Variants in FHIT observed in about 807,000 individuals in gnomAD.
FHIT encodes bis(5'-adenosyl)-triphosphatase.
FHIT carries 19 observed loss-of-function variants against 17.9 expected under a neutral mutation model. The ratio of observed to expected loss-of-function variants is 1.06; its 90% CI spans 0.74 to 1.56. The LOEUF is 1.56. Among genes scored for constraint, FHIT ranks in the 40% most tolerant of loss-of-function variants. The pLI, the probability that FHIT is intolerant of heterozygous loss-of-function variation, is 0.00. For missense variants in FHIT, 248 were observed against 189.2 expected, an observed-to-expected ratio of 1.31 and a Z score of -1.82; for synonymous variants, 81 against 69.7, an observed-to-expected ratio of 1.16 and a Z score of -0.81.
intron 3 of FHIT, among the ~76,000 whole-genome samples, chr3:60,860,296 A>C (rs912759250): frequency 2.0e-5 from 3 of 148,906 alleles, no homozygotes; most frequent in African/African-American, 7.4e-5. Flanking sequence ...TATACATGAG[A>C]TACATCATAT....
chr3:60,419,104 G>A (rs923518249), intron 5 of FHIT, among the ~76,000 whole-genome samples: 8 of 152,112 alleles, frequency 5.3e-5, no homozygotes, highest in African/African-American at 1.4e-4. Flanking sequence ...AACATGTGCC[G>A]TGCAGTCAGG....
At chr3:60,129,620 G>A (rs901159717) in intron 5 of FHIT, among the ~76,000 whole-genome samples, 4 of 152,112 alleles carry the variant, frequency 2.6e-5, no homozygotes, top group Non-Finnish European at 4.4e-5. Flanking sequence ...CCTAGGAGAT[G>A]CCCTAAGTCT....
At chr3:61,182,223 C>T (rs1415167264) in intron 2 of FHIT, among the ~76,000 whole-genome samples, 1 of 152,142 alleles carries the variant, frequency 6.6e-6, no homozygotes. Context: ...ATTAAATTCT[C>T]TTATTAGGAT....
At chr3:60,389,988 A>C (rs1047757606) in intron 5 of FHIT, among the ~76,000 whole-genome samples, 2 of 152,120 alleles carry the variant, frequency 1.3e-5, no homozygotes, top group African/African-American at 4.8e-5. Context: ...GCTCCTCTGA[A>C]AACGCTTTTC....
intron 5 of FHIT, among the ~76,000 whole-genome samples, chr3:60,507,445 C>G: frequency 6.6e-6 from 1 of 152,232 alleles, no homozygotes; most frequent in Admixed American, 6.5e-5. Context: ...ATCCTATGTA[C>G]GAAAGGAAGC....
intron 4 of FHIT, among the ~76,000 whole-genome samples, chr3:60,555,733 C>G (rs1222600727): frequency 6.6e-6 from 1 of 152,092 alleles, no homozygotes; most frequent in Non-Finnish European, 1.5e-5. Flanking sequence ...TTACTGTTAC[C>G]AACAGTAATG....
At chr3:60,533,931 G>A (rs2035881456) in intron 5 of FHIT, among the ~76,000 whole-genome samples, 2 of 152,150 alleles carry the variant, frequency 1.3e-5, no homozygotes, top group South Asian at 2.1e-4. Context: ...GAGGCAGGGA[G>A]ACAGCATAAA....
intron 5 of FHIT, among the ~76,000 whole-genome samples, chr3:60,103,945 C>T (rs1207380856): frequency 6.6e-6 from 1 of 152,230 alleles, no homozygotes; most frequent in Non-Finnish European, 1.5e-5. Context: ...ATCTGCTTTC[C>T]CTCCTTATAG....
At chr3:60,196,011 C>A (rs1702623815) in intron 5 of FHIT, among the ~76,000 whole-genome samples, 1 of 152,016 alleles carries the variant, frequency 6.6e-6, no homozygotes, top group Non-Finnish European at 1.5e-5. Context: ...CCTACTTGTA[C>A]CCCTAAAGCT....
intron 2 of FHIT, among the ~76,000 whole-genome samples, chr3:61,190,942 G>C (rs1389009681): frequency 8.4e-6 from 1 of 119,104 alleles, no homozygotes; most frequent in Non-Finnish European, 1.7e-5. Context: ...GGGGTGGGGG[G>C]AGGGAAGAGG....
chr3:60,357,788 G>T (rs1429557664), intron 5 of FHIT, among the ~76,000 whole-genome samples: 1 of 149,034 alleles, frequency 6.7e-6, no homozygotes, highest in Non-Finnish European at 1.5e-5. Flanking sequence ...TGTTCTACTG[G>T]TAATTTTCAC....
chr3:61,117,667 T>C (rs1041828474), intron 2 of FHIT, among the ~76,000 whole-genome samples: 18 of 152,204 alleles, frequency 1.2e-4, no homozygotes, highest in African/African-American at 4.3e-4. Flanking sequence ...GGTTTTGAGG[T>C]GGCCTCAGTG....
At chr3:59,969,163 G>A (rs960751611) in intron 7 of FHIT, among the ~76,000 whole-genome samples, 1 of 152,112 alleles carries the variant, frequency 6.6e-6, no homozygotes, top group Non-Finnish European at 1.5e-5. Context: ...GAAGTCCTCT[G>A]CATCTAAATC....
At chr3:60,920,602 G>C (rs1553768110) in intron 3 of FHIT, among the ~76,000 whole-genome samples, 3 of 152,058 alleles carry the variant, frequency 2.0e-5, no homozygotes, top group Non-Finnish European at 1.5e-5. Flanking sequence ...GCCCCAAGCA[G>C]AGGAAACCCA....
At chr3:59,860,417 G>A (rs1336093806) in intron 8 of FHIT, among the ~76,000 whole-genome samples, 1 of 152,216 alleles carries the variant, frequency 6.6e-6, no homozygotes, top group African/African-American at 2.4e-5. Flanking sequence ...CAAGCAAACA[G>A]TTGCCATAGG....
intron 5 of FHIT, among the ~76,000 whole-genome samples, chr3:60,274,893 A>G (rs1707047356): frequency 6.6e-6 from 1 of 152,190 alleles, no homozygotes; most frequent in Non-Finnish European, 1.5e-5. Context: ...GAAGTTCTAT[A>G]ACTTTGCTTT....
chr3:59,987,547 A>G (rs1709040184), intron 7 of FHIT, among the ~76,000 whole-genome samples: 1 of 152,102 alleles, frequency 6.6e-6, no homozygotes, highest in Admixed American at 6.6e-5. Context: ...GGCAAACTGT[A>G]TTAAGACACA....
At chr3:61,119,158 G>A in intron 2 of FHIT, among the ~76,000 whole-genome samples, 1 of 152,148 alleles carries the variant, frequency 6.6e-6, no homozygotes, top group South Asian at 2.1e-4. Flanking sequence ...TTCCCTCACA[G>A]TGGGCTCTCC....
chr3:60,888,843 T>A (rs1487216129), intron 3 of FHIT, among the ~76,000 whole-genome samples: 4 of 152,190 alleles, frequency 2.6e-5, no homozygotes, highest in Non-Finnish European at 5.9e-5. Flanking sequence ...TATAGACAGA[T>A]CTTTTGTATC....
Sources: gnomAD v4.1 joint callset for allele counts (sites outside exome capture counted in the v4.1 genomes callset) on GRCh38, gnomAD v4.1.1 for gene constraint, MANE v1.5 for transcripts, NCBI Gene and HGNC (gene_info 2026-07-23, HGNC 2026-07-21) for gene names.